CPQ: variants seen among roughly 807,000 people sequenced by gnomAD.
CPQ encodes Ser-Met dipeptidase.
In CPQ, 37 loss-of-function variants were observed where a neutral mutation model predicts 45.7. The observed-to-expected ratio is 0.81, with a 90% CI of 0.62 to 1.07. The LOEUF (loss-of-function observed/expected upper bound fraction) is 1.07. Ranked by LOEUF, CPQ falls within the 50% of genes least tolerant of loss-of-function variation. The pLI is 0.00. For missense variants in CPQ, 537 were observed against 572.9 expected, an observed-to-expected ratio of 0.94 and a Z score of 0.64; for synonymous variants, 186 against 205.8, an observed-to-expected ratio of 0.90 and a Z score of 0.82.
intron 1 of CPQ, among the ~76,000 whole-genome samples, chr8:96,710,589 A>T (rs1171048463): frequency 6.6e-6 from 1 of 152,000 alleles, no homozygotes; most frequent in Admixed American, 6.6e-5. Flanking sequence ...TTCCATTTTG[A>T]TTTCATTGCT....
At chr8:96,965,691 A>AAATT (rs1326388979) in intron 4 of CPQ, among the ~76,000 whole-genome samples, 1 of 152,168 alleles carries the variant, frequency 6.6e-6, no homozygotes, top group Non-Finnish European at 1.5e-5. Context: ...TTAGTAGTCA[A>AAATT]AATTATATTA....
At chr8:96,743,614 C>G (rs753099706) in intron 1 of CPQ, among the ~76,000 whole-genome samples, 6,387 of 151,948 alleles carry the variant, frequency 0.042, 177 homozygotes, top group Middle Eastern at 0.099. Context: ...GTTTTATCTA[C>G]TTTTGGTCTT....
intron 1 of CPQ, among the ~76,000 whole-genome samples, chr8:96,726,049 G>T (rs889659994): frequency 2.0e-5 from 3 of 152,096 alleles, no homozygotes; most frequent in African/African-American, 7.2e-5. Context: ...TGGTACACAT[G>T]GACATAAAGA....
chr8:97,120,604 A>T (rs1417722205), intron 7 of CPQ, among the ~76,000 whole-genome samples: 2 of 152,352 alleles, frequency 1.3e-5, no homozygotes, highest in East Asian at 3.9e-4. Context: ...TTTCACTGCT[A>T]ACCTGGATGG....
intron 7 of CPQ, among the ~76,000 whole-genome samples, chr8:97,068,371 C>T (rs1810676677): frequency 6.6e-6 from 1 of 152,116 alleles, no homozygotes. Flanking sequence ...GTGGCTCATG[C>T]CTGTAATCCC....
chr8:96,683,839 G>C (rs891605561), intron 1 of CPQ, among the ~76,000 whole-genome samples: 2 of 149,318 alleles, frequency 1.3e-5, no homozygotes, highest in Non-Finnish European at 3.0e-5. Context: ...AGAAGCTCTT[G>C]ATTGTATTTT....
At chr8:96,832,971 T>TAG (rs1811479640) in intron 2 of CPQ, among the ~76,000 whole-genome samples, 1 of 151,658 alleles carries the variant, frequency 6.6e-6, no homozygotes, top group South Asian at 2.1e-4. Context: ...GGCCAGGGAG[T>TAG]AGAGACCTGT....
At chr8:96,858,054 G>A (rs10282845) in intron 3 of CPQ, among the ~76,000 whole-genome samples, 66,038 of 151,988 alleles carry the variant, frequency 0.43, 14,539 homozygotes, top group Middle Eastern at 0.48. Flanking sequence ...CTAAGAGTGA[G>A]GTAGGATATT....
intron 4 of CPQ, among the ~76,000 whole-genome samples, chr8:96,896,466 C>A (rs1812444231): frequency 6.6e-6 from 1 of 152,150 alleles, no homozygotes; most frequent in African/African-American, 2.4e-5. Context: ...TCTGTGCCTT[C>A]CTCATACTGA....
chr8:96,862,284 TTGTGTGTGTGTGTGTGTGTGTG>T (rs34611818), intron 3 of CPQ, among the ~76,000 whole-genome samples: 2 of 141,098 alleles, frequency 1.4e-5, no homozygotes, highest in Non-Finnish European at 3.1e-5. Context: ...ATTTTTGCAT[TTGTGTGTGTGTGTGTGTGTGTG>T]TGTGTGTGTG....
intron 5 of CPQ, among the ~76,000 whole-genome samples, chr8:96,969,249 A>G (rs939695158): frequency 1.3e-5 from 2 of 152,234 alleles, no homozygotes; most frequent in Non-Finnish European, 2.9e-5. Flanking sequence ...TGTGATTACT[A>G]TAGAGCTTGA....
intron 4 of CPQ, among the ~76,000 whole-genome samples, chr8:96,903,471 A>G (rs1812538596): frequency 6.6e-6 from 1 of 152,198 alleles, no homozygotes; most frequent in African/African-American, 2.4e-5. Flanking sequence ...AAGGGGGAGA[A>G]GGGAAGAACT....
At chr8:96,926,992 A>G (rs897884268) in intron 4 of CPQ, among the ~76,000 whole-genome samples, 2 of 152,228 alleles carry the variant, frequency 1.3e-5, no homozygotes, top group Admixed American at 6.5e-5. Context: ...TTTGGCTGCA[A>G]TAGTGAAAGA....
chr8:96,921,497 A>C (rs1441346768), intron 4 of CPQ, among the ~76,000 whole-genome samples: 1 of 152,190 alleles, frequency 6.6e-6, no homozygotes, highest in Admixed American at 6.5e-5. Context: ...ATGTGGTTAG[A>C]CCACCTTTTA....
intron 3 of CPQ, among the ~76,000 whole-genome samples, chr8:96,844,202 T>C (rs1050640064): frequency 2.6e-5 from 4 of 152,234 alleles, no homozygotes; most frequent in Non-Finnish European, 4.4e-5. Context: ...AAATGTGTAA[T>C]GTAGCATATG....
chr8:96,987,785 G>A (rs1304320567), intron 5 of CPQ, among the ~76,000 whole-genome samples: 2 of 152,162 alleles, frequency 1.3e-5, no homozygotes, highest in Admixed American at 6.5e-5. Flanking sequence ...TATTTAAAGT[G>A]ACAGTTATTT....
intron 5 of CPQ, among the ~76,000 whole-genome samples, chr8:96,972,141 T>C (rs1323483509): frequency 6.6e-6 from 1 of 152,112 alleles, no homozygotes; most frequent in Non-Finnish European, 1.5e-5. Context: ...TGCCTGGAAA[T>C]AGATTCAGTG....
chr8:96,915,794 G>A (rs570955172), intron 4 of CPQ, among the ~76,000 whole-genome samples: 1 of 152,218 alleles, frequency 6.6e-6, no homozygotes, highest in South Asian at 2.1e-4. Flanking sequence ...TTAGGCAGCC[G>A]ATGTTTCAGC....
intron 2 of CPQ, among the ~76,000 whole-genome samples, chr8:96,805,082 G>C (rs1586407787): frequency 6.6e-6 from 1 of 152,144 alleles, no homozygotes; most frequent in South Asian, 2.1e-4. Context: ...CTAATGATGT[G>C]CAAGCAGAAA....
Sources: allele counts gnomAD v4.1 joint callset (sites outside exome capture counted in the v4.1 genomes callset), GRCh38; gene constraint gnomAD v4.1.1; transcripts MANE v1.5; gene names NCBI Gene and HGNC (gene_info 2026-07-23, HGNC 2026-07-21).